The following RYR3 variants were observed in gnomAD, a reference collection of about 807,000 sequenced individuals.
The protein encoded by RYR3 is ryanodine receptor 3.
A neutral mutation model predicts 584.3 loss-of-function variants in RYR3; 207 were observed. That is an observed-to-expected ratio of 0.35 (90% CI 0.32 to 0.40). The LOEUF (loss-of-function observed/expected upper bound fraction) is 0.40. RYR3 is among the 10% of genes least tolerant of loss of function. RYR3 has a pLI of 1.00. For missense variants in RYR3, 5,616 were observed against 6,089.2 expected, an observed-to-expected ratio of 0.92 and a Z score of 2.59; for synonymous variants, 2,416 against 2,248.5, an observed-to-expected ratio of 1.07 and a Z score of -2.11.
intron 2 of RYR3, among the ~76,000 whole-genome samples, chr15:33,485,145 A>G (rs968197052): frequency 6.6e-6 from 1 of 152,222 alleles, no homozygotes; most frequent in Non-Finnish European, 1.5e-5. Flanking sequence ...AAGAAGGAAT[A>G]TAGTCATAGG....
chr15:33,821,282 G>A lies in RYR3; in HGVS notation c.10828G>A (p.Glu3610Lys). ...TTTTTCCCCCCAGGAGAAAGAGATG[G>A]AGAAGCAAAAAACCCTCTATCAGCA... ...KEKTFEEKEMEKQKTLYQQAR... is the reference protein window; with the variant it reads ...KEKTFEEKEMKKQKTLYQQAR... Residue 3610 changes from glutamate (E) to lysine (K), a missense_variant, in exon 79 of 104, where the codon GAG (glutamate) becomes AAG (lysine). Coordinates refer to ENST00000634891, the MANE Select transcript of RYR3 (RefSeq NM_001036.6). The A allele has an allele frequency of 6.3e-7, 1 of 1,595,644 alleles. No individual in the cohort carries two copies. The highest frequency in any genetic ancestry group is 2.3e-5 in the East Asian group (1 of 44,044).
At chr15:33,510,972 A>T (rs965238441) in intron 3 of RYR3, among the ~76,000 whole-genome samples, 22 of 152,164 alleles carry the variant, frequency 1.4e-4, no homozygotes, top group Admixed American at 1.3e-3. Flanking sequence ...TGATGACATG[A>T]TTTTTGGTTA....
chr15:33,685,566 T>C (rs1243392815), intron 38 of RYR3, among the ~76,000 whole-genome samples: 2 of 152,332 alleles, frequency 1.3e-5, no homozygotes, highest in African/African-American at 4.8e-5. Context: ...ATCCAGGAAT[T>C]GAACTCAGCT....
In RYR3 at chr15:33,332,927, T is replaced by C. The variant is rs1970526423; in HGVS notation, c.51+21831T>C. ...CTGTTGCAACTACTCAACTTTGTTT[T>C]TGTAGCACGAAATCAATCATATCCA... On this transcript the variant is annotated intron_variant, in intron 1 of 103. Transcript: ENST00000634891. 2.0e-5 allele frequency among the ~76,000 whole-genome samples: 3 copies of C among 152,108 alleles called. No homozygotes were observed. In the South Asian group the frequency reaches 6.2e-4, roughly 32 times the overall value.
chr15:33,369,434 C>T (rs994813461), intron 1 of RYR3, among the ~76,000 whole-genome samples: 34 of 152,266 alleles, frequency 2.2e-4, no homozygotes, highest in African/African-American at 7.0e-4. Flanking sequence ...CATCTATGGC[C>T]GAGCTCACAT....
chr15:33,451,013 T>C (rs2047083023), intron 1 of RYR3, among the ~76,000 whole-genome samples: 2 of 152,282 alleles, frequency 1.3e-5, no homozygotes, highest in South Asian at 4.1e-4. Flanking sequence ...AACAACCCAA[T>C]GTTGTTAGAG....
chr15:33,360,349 AT>A (rs1392439393), intron 1 of RYR3, among the ~76,000 whole-genome samples: 1 of 152,100 alleles, frequency 6.6e-6, no homozygotes, highest in African/African-American at 2.4e-5. Flanking sequence ...CTTTTCTAGA[AT>A]TTTGTGTACA....
chr15:33,819,844 C>G (rs1267795778), intron 77 of RYR3, 37 bp downstream of exon 77: 1 of 1,505,084 alleles, frequency 6.6e-7, no homozygotes, highest in Non-Finnish European at 9.1e-7. Flanking sequence ...CTCTGTCTTT[C>G]TGTCTTCCCT....
intron 43 of RYR3, among the ~76,000 whole-genome samples, chr15:33,708,107 T>A (rs2066847714): frequency 6.6e-6 from 1 of 152,228 alleles, no homozygotes; most frequent in Non-Finnish European, 1.5e-5. Flanking sequence ...TCACCAGCTT[T>A]GCTAACCTCC....
intron 36 of RYR3, among the ~76,000 whole-genome samples, chr15:33,667,772 C>T (rs1050259424): frequency 6.6e-6 from 1 of 152,084 alleles, no homozygotes; most frequent in Non-Finnish European, 1.5e-5. Context: ...TACTAAAAAT[C>T]CCTGAGTCAG....
intron 64 of RYR3, among the ~76,000 whole-genome samples, chr15:33,776,404 A>C (rs774111971): frequency 5.3e-5 from 8 of 152,246 alleles, no homozygotes; most frequent in Admixed American, 2.6e-4. Context: ...ATGAACTTAA[A>C]GAGCATTTGA....
Position 33,548,138 on chromosome 15 carries a change from T to A in RYR3, c.749T>A (p.Phe250Tyr), listed in dbSNP as rs2056390174. ...DQNDSQHRRI[F>Y]YEAGGAGTRA... ...TCCAACTCTGCTCACAGGAGGATAT[T>A]CTACGAAGCTGGGGGAGCTGGGACT... is the stretch of plus-strand genomic sequence containing the variant. The change falls in exon 9 of 104, where the codon TTC becomes TAC. Residue 250 changes from phenylalanine (F) to tyrosine (Y), a missense_variant. Around this residue, in one of 9 missense-constraint regions of RYR3, gnomAD observed 1,284 missense variants for 1,344.6 expected, o/e 0.95. Coordinates refer to ENST00000634891, the MANE Select transcript of RYR3 (RefSeq NM_001036.6). 5.6e-6 allele frequency: 9 copies of A among 1,612,174 alleles called. No individual in the cohort carries two copies. The highest frequency in any genetic ancestry group is 7.6e-6 in the Non-Finnish European group (9 of 1,179,148).
intron 5 of RYR3, 25 bp downstream of exon 5, chr15:33,533,414 T>G: frequency 6.4e-7 from 1 of 1,552,150 alleles, no homozygotes; most frequent in Middle Eastern, 1.7e-4. Context: ...CCAGATCTCT[T>G]GAGCTCAGCG....
At chr15:33,473,284 A>G in intron 1 of RYR3, 135 bp from the exon 2 acceptor site, 1 of 983,284 alleles carries the variant, frequency 1.0e-6, no homozygotes, top group Non-Finnish European at 1.6e-6. Context: ...TTCCGTAATC[A>G]GGTTTAAAAA....
chr15:33,402,658 G>GA (rs2042757111), intron 1 of RYR3, among the ~76,000 whole-genome samples: 1 of 152,244 alleles, frequency 6.6e-6, no homozygotes, highest in Admixed American at 6.5e-5. Context: ...CACCAGCTTT[G>GA]AAGATGATCC....
chr15:33,394,492 G>T (rs2042184049), intron 1 of RYR3, among the ~76,000 whole-genome samples: 1 of 152,230 alleles, frequency 6.6e-6, no homozygotes, highest in African/African-American at 2.4e-5. Flanking sequence ...GTGTTTAGGT[G>T]TGGGAGCAAG....
intron 93 of RYR3, among the ~76,000 whole-genome samples, chr15:33,846,228 C>G (rs1199144370): frequency 6.6e-6 from 1 of 152,212 alleles, no homozygotes; most frequent in African/African-American, 2.4e-5. Context: ...GCTGCTAAGC[C>G]TTCCTAGGTC....
intron 86 of RYR3, among the ~76,000 whole-genome samples, chr15:33,832,284 ACT>A (rs2077730219): frequency 6.9e-6 from 1 of 144,832 alleles, no homozygotes; most frequent in Non-Finnish European, 1.5e-5. Context: ...ACAGAGCAAG[ACT>A]CAGTCTCAAA....
intron 97 of RYR3, 124 bp from the exon 98 acceptor site, chr15:33,854,642 C>T (rs2079455425): frequency 1.5e-6 from 2 of 1,300,490 alleles, no homozygotes; most frequent in South Asian, 1.4e-5. Flanking sequence ...TGGGCCAGCT[C>T]ACAGCACCTC....
Sources: gnomAD v4.1 joint callset for allele counts (sites outside exome capture counted in the v4.1 genomes callset) on GRCh38, gnomAD v4.1.1 for gene constraint, gnomAD v4.1.1 regional missense constraint, MANE v1.5 for transcripts, NCBI Gene and HGNC (gene_info 2026-07-23, HGNC 2026-07-21) for gene names.